The following MTUS1 variants were observed in gnomAD, a reference collection of about 807,000 sequenced individuals.
MTUS1 encodes the protein microtubule associated scaffold protein 1, also known as microtubule-associated tumor suppressor 1.
Under a neutral mutation model 120.8 loss-of-function variants are expected in MTUS1, and 109 were observed. That is an observed-to-expected ratio of 0.90 (90% confidence interval 0.77 to 1.06). MTUS1 has a LOEUF of 1.06. Ranked by LOEUF, MTUS1 falls within the 50% of genes least tolerant of loss-of-function variation. The pLI is 0.00. For missense variants in MTUS1, 2,210 were observed against 1,486.3 expected, an observed-to-expected ratio of 1.49 and a Z score of -8.01; for synonymous variants, 737 against 550.5, an observed-to-expected ratio of 1.34 and a Z score of -4.74.
chr8:17,739,841 T>C (rs1484159835), intron 3 of MTUS1, among the ~76,000 whole-genome samples: 1 of 152,244 alleles, frequency 6.6e-6, no homozygotes, highest in East Asian at 1.9e-4. Flanking sequence ...CACTATCTCA[T>C]CTTATTTCAG....
At chr8:17,731,215 T>G (rs913518523) in intron 3 of MTUS1, among the ~76,000 whole-genome samples, 1 of 152,120 alleles carries the variant, frequency 6.6e-6, no homozygotes, top group Admixed American at 6.5e-5. Context: ...AAATTAAAAT[T>G]TGAGAAGCAG....
chr8:17,646,941 G>C, intron 14 of MTUS1, 41 bp downstream of exon 14: 2 of 1,462,146 alleles, frequency 1.4e-6, no homozygotes, highest in Middle Eastern at 1.7e-4. Flanking sequence ...ATGTCCAAGG[G>C]AGCGGGGAGC....
chr8:17,779,005 C>G (rs1182818830), intron 1 of MTUS1, among the ~76,000 whole-genome samples: 1 of 152,050 alleles, frequency 6.6e-6, no homozygotes, highest in Non-Finnish European at 1.5e-5. Flanking sequence ...AAAAAATAGA[C>G]ACAACTATAC....
At position 17,645,884 on chromosome 8, in the gene MTUS1, C is replaced by A; in HGVS notation, c.*42G>T. 1.3e-6 allele frequency: 2 copies of A among 1,584,320 alleles called. No homozygotes were observed. Among genetic ancestry groups the A allele is most frequent in the Non-Finnish European group, 1.7e-6 (2 of 1,165,844 alleles). On this transcript the variant is annotated 3_prime_UTR_variant, in exon 15 of 15. Transcript: ENST00000693296. The stretch of plus-strand genomic sequence containing the variant: ...CCTTGGGGTCAGTCCTGCAGACCTG[C>A]ATCAAAATGCTTTCAGAGAGTCTGT...
intron 8 of MTUS1, among the ~76,000 whole-genome samples, chr8:17,666,820 T>C (rs560156669): frequency 3.9e-5 from 6 of 152,198 alleles, no homozygotes; most frequent in South Asian, 2.1e-4. Flanking sequence ...TTACTATTCC[T>C]TAAAGCCCAA....
chr8:17,704,361 G>T (rs1379744984), intron 6 of MTUS1, among the ~76,000 whole-genome samples: 1 of 152,116 alleles, frequency 6.6e-6, no homozygotes. Context: ...AAAATGACAT[G>T]AAGTTTTGCC....
chr8:17,674,425 A>T (rs1464973167), intron 8 of MTUS1: 13 of 976,114 alleles, frequency 1.3e-5, no homozygotes, highest in Non-Finnish European at 1.6e-5. Flanking sequence ...TCTCAAAAAA[A>T]AAAGAAAAAG....
intron 1 of MTUS1, among the ~76,000 whole-genome samples, chr8:17,757,552 A>G (rs1415694690): frequency 6.6e-6 from 1 of 152,172 alleles, no homozygotes; most frequent in Non-Finnish European, 1.5e-5. Context: ...TTTGAGATGG[A>G]GTCTTGCTCT....
intron 6 of MTUS1, among the ~76,000 whole-genome samples, chr8:17,694,836 C>A (rs1163625080): frequency 6.6e-6 from 1 of 152,110 alleles, no homozygotes; most frequent in African/African-American, 2.4e-5. Context: ...GAGTAATACA[C>A]TGAGGGTTTT....
At chr8:17,656,546 C>CCG (rs67253208) in intron 8 of MTUS1, among the ~76,000 whole-genome samples, 11,998 of 42,418 alleles carry the variant, frequency 0.28, 839 homozygotes, top group Middle Eastern at 0.46. Context: ...ACAAACAAAA[C>CCG]CCCCCCCCAC....
At chr8:17,690,666 A>G (rs2130824652) in intron 6 of MTUS1, among the ~76,000 whole-genome samples, 1 of 152,354 alleles carries the variant, frequency 6.6e-6, no homozygotes, top group East Asian at 1.9e-4. Flanking sequence ...ATCATTCTCA[A>G]AATACTAAAC....
intron 13 of MTUS1, among the ~76,000 whole-genome samples, chr8:17,648,244 T>C (rs990235161): frequency 1.3e-5 from 2 of 152,188 alleles, no homozygotes. Flanking sequence ...AATTTACAAA[T>C]ATGAAGGGAA....
At chr8:17,801,143 G>A (rs2052652266), upstream of MTUS1, among the ~76,000 whole-genome samples, 1 of 151,524 alleles carries the variant, frequency 6.6e-6, no homozygotes, top group Admixed American at 6.6e-5. Context: ...CGGGGTCGCC[G>A]AGAACCCGCC....
intron 3 of MTUS1, among the ~76,000 whole-genome samples, chr8:17,737,048 A>G (rs1370965458): frequency 6.6e-6 from 1 of 152,188 alleles, no homozygotes; most frequent in Non-Finnish European, 1.5e-5. Flanking sequence ...CCTTCCCCAC[A>G]TTCTCCTTCA....
chr8:17,650,408 C>T (rs1035250420), intron 12 of MTUS1, among the ~76,000 whole-genome samples: 1 of 152,124 alleles, frequency 6.6e-6, no homozygotes. Context: ...ATAACAATGT[C>T]CTGAGTGTTT....
At chr8:17,745,437 T>C (rs1481620179) in intron 2 of MTUS1, among the ~76,000 whole-genome samples, 2 of 152,246 alleles carry the variant, frequency 1.3e-5, no homozygotes, top group African/African-American at 2.4e-5. Context: ...AAGTTTTGCT[T>C]TTTGAAACAC....
chr8:17,707,304 C>A (rs1820364413), intron 6 of MTUS1, among the ~76,000 whole-genome samples: 1 of 152,186 alleles, frequency 6.6e-6, no homozygotes, highest in Non-Finnish European at 1.5e-5. Flanking sequence ...CATCATTTTT[C>A]AGCATCAAAG....
intron 14 of MTUS1, 84 bp downstream of exon 14, chr8:17,646,898 G>T: frequency 1.1e-6 from 1 of 903,688 alleles, no homozygotes; most frequent in Non-Finnish European, 1.8e-6. Context: ...TCCAGGAGGT[G>T]CAGGGGTAGA....
At chr8:17,763,524 G>T (rs415886) in intron 1 of MTUS1, among the ~76,000 whole-genome samples, 1 of 152,094 alleles carries the variant, frequency 6.6e-6, no homozygotes, top group Non-Finnish European at 1.5e-5. Flanking sequence ...TGACTTAGTG[G>T]ATTTTTGTAA....
Sources: gnomAD v4.1 joint callset for allele counts (sites outside exome capture counted in the v4.1 genomes callset) on GRCh38, gnomAD v4.1.1 for gene constraint, MANE v1.5 for transcripts, NCBI Gene and HGNC (gene_info 2026-07-23, HGNC 2026-07-21) for gene names.